GKAP1: variants seen among roughly 807,000 people sequenced by gnomAD.
GKAP1 encodes the protein G kinase anchoring protein 1.
In GKAP1, 31 loss-of-function variants were observed where a neutral mutation model predicts 56.7. The ratio of observed to expected loss-of-function variants is 0.55; its 90% CI spans 0.41 to 0.74. The LOEUF (loss-of-function observed/expected upper bound fraction) is 0.74, where lower values mean the gene tolerates loss of function less well. Ranked by LOEUF, GKAP1 falls within the 30% of genes least tolerant of loss-of-function variation. The pLI is 0.00. For missense variants in GKAP1, 364 were observed against 402.3 expected, an observed-to-expected ratio of 0.90 and a Z score of 0.82; for synonymous variants, 151 against 138.6, an observed-to-expected ratio of 1.09 and a Z score of -0.63.
intron 3 of GKAP1, among the ~76,000 whole-genome samples, chr9:83,806,014 G>T (rs996802866): frequency 4.6e-5 from 7 of 152,156 alleles, no homozygotes; most frequent in African/African-American, 1.7e-4. Context: ...CTACTTGGGA[G>T]GCTAAGGTGT....
intron 7 of GKAP1, among the ~76,000 whole-genome samples, chr9:83,776,835 T>A (rs1299185502): frequency 2.0e-5 from 3 of 152,198 alleles, no homozygotes; most frequent in Non-Finnish European, 4.4e-5. Flanking sequence ...AATCAACAGA[T>A]CCAACATTAC....
rs1204169368 is a variant in GKAP1 at position 83,817,061 on chromosome 9, C to T, written c.-109G>A. On this transcript the variant is annotated 5_prime_UTR_variant, in exon 2 of 13. Coordinates refer to ENST00000376371, the MANE Select transcript of GKAP1 (RefSeq NM_025211.4). ...TAACCGATGCTCCGAAACTTATTCG[C>T]AAAGTACATAGAGAAAGAAATTGCG... 1 of 152,178 alleles carries T rather than the reference C, an allele frequency of 6.6e-6. No homozygotes were observed. Among genetic ancestry groups the T allele is most frequent in the Non-Finnish European group, 1.5e-5 (1 of 68,008 alleles). The allele number at this position is 152,178 out of a possible 1,614,324, so 9.4% of individuals were successfully genotyped here.
chr9:83,742,521 G>T lies in GKAP1; in HGVS notation c.975+9C>A. ...GAAAACCAGTCATGTATGCTCCACA[G>T]TTCCTTACCTGAATAGTGAGCTCAT... is the stretch of plus-strand genomic sequence containing the variant. On this transcript the variant is annotated intron_variant, in intron 11 of 12. Transcript: ENST00000376371. The T allele has an allele frequency of 6.3e-7, 1 of 1,596,430 alleles. No individual in the cohort carries two copies. The highest frequency in any genetic ancestry group is 1.1e-5 in the South Asian group (1 of 90,370).
intron 2 of GKAP1, among the ~76,000 whole-genome samples, chr9:83,814,489 AACTT>A (rs1408839548): frequency 6.6e-5 from 10 of 152,152 alleles, no homozygotes; most frequent in Admixed American, 6.5e-5. Context: ...CCATACTTTA[AACTT>A]ACTATTATTG....
In GKAP1 at chr9:83,780,451, A is replaced by G. The variant is rs753762886; in HGVS notation, c.563-47T>C. ...AGATGAAACTTTATTGAAGGAATTTAACATACAAAAATGTAAAAAAAAAAA... is the reference window on the plus strand; with the variant it reads ...AGATGAAACTTTATTGAAGGAATTTGACATACAAAAATGTAAAAAAAAAAA... On this transcript the variant is annotated intron_variant, in intron 6 of 12. Transcript: ENST00000376371. 1.2e-5 allele frequency: 10 copies of G among 868,526 alleles called. 1 individual carries two copies. Among genetic ancestry groups the G allele is most frequent in the Admixed American group, 2.8e-5 (1 of 36,208 alleles). The allele number at this position is 868,526 out of a possible 1,614,324, so 53.8% of individuals were successfully genotyped here. A position where few individuals can be genotyped will look rare whatever the true frequency, so the allele number is the denominator to read the frequency against.
At position 83,788,601 on chromosome 9, in the gene GKAP1, C is replaced by CT; in HGVS notation, c.437dup (p.Glu147GlyfsTer3). The CT allele has an allele frequency of 6.5e-7, 1 of 1,533,940 alleles. No homozygotes were observed. Reference sequence around the variant, plus strand: ...TCTAAATCAGTAAGTATGTAAATACCTTTTTGTGCTCTTCATATTCTAGTT... The same window carrying CT: ...TCTAAATCAGTAAGTATGTAAATACCTTTTTTGTGCTCTTCATATTCTAGTT... On this transcript the variant is annotated frameshift_variant and splice_region_variant, in exon 5 of 13. Coordinates refer to ENST00000376371, the MANE Select transcript of GKAP1 (RefSeq NM_025211.4). LOFTEE classifies it high-confidence loss of function.
In GKAP1 at chr9:83,779,559, G is replaced by A. The variant is rs952787940; in HGVS notation, c.585+823C>T. On this transcript the variant is annotated intron_variant, in intron 7 of 12. Transcript: ENST00000376371. ...TGTATATATATACACGTGTATATGT[G>A]TATATATATACACACATATATATAC... is the stretch of plus-strand genomic sequence containing the variant. 2.3e-4 allele frequency among the ~76,000 whole-genome samples: 25 copies of A among 108,446 alleles called. No homozygotes were observed. In the East Asian group the frequency reaches 2.7e-3, roughly 12 times the overall value. 71.1% of individuals were successfully genotyped at this position (108,446 alleles called of 152,430 possible).
rs1309152947 is a variant in GKAP1 at position 83,768,922 on chromosome 9, T to C, written c.634A>G (p.Arg212Gly). 6.2e-7 allele frequency: 1 copy of C among 1,610,474 alleles called. No homozygotes were observed. The highest frequency in any genetic ancestry group is 8.5e-7 in the Non-Finnish European group (1 of 1,177,966). The change falls in exon 8 of 13, where the codon AGA (arginine) becomes GGA (glycine). Residue 212 changes from arginine (R) to glycine (G), a missense_variant. By Grantham distance (125) the Arg-to-Gly change is moderately radical. Transcript: ENST00000376371. ...ATTTTATGAACATCATCTTCCAGTC[T>C]ATTGAAGAATCCTCCATCATGTGAT... Reference protein sequence around the residue: ...TLSHDGGFFNRLEDDVHKILI... With the variant: ...TLSHDGGFFNGLEDDVHKILI...
In GKAP1 at chr9:83,739,748, T is replaced by TA. The variant is rs748846032; in HGVS notation, c.1054-5dup. ...TTCTTTTCCCTTTTCTGCCACCCTG[T>TA]AAAAAAAAAAAAAAATAGGGAAAAT... On this transcript the variant is annotated splice_polypyrimidine_tract_variant and splice_region_variant and intron_variant, in intron 12 of 12. Coordinates refer to ENST00000376371, the MANE Select transcript of GKAP1 (RefSeq NM_025211.4). 0.07 allele frequency: 99,604 copies of TA among 1,413,134 alleles called. 26 individuals carry two copies. The highest frequency in any genetic ancestry group is 0.084 in the East Asian group (3,460 of 41,208). The allele number at this position is 1,413,134 out of a possible 1,614,324, so 87.5% of individuals were successfully genotyped here.
intron 7 of GKAP1, among the ~76,000 whole-genome samples, chr9:83,779,299 A>G (rs1943912957): frequency 6.6e-6 from 1 of 151,706 alleles, no homozygotes; most frequent in Non-Finnish European, 1.5e-5. Flanking sequence ...GTTTGCATGC[A>G]TAGTTAGGAA....
intron 7 of GKAP1, among the ~76,000 whole-genome samples, chr9:83,769,708 C>T (rs1354698523): frequency 4.6e-5 from 7 of 152,110 alleles, no homozygotes; most frequent in East Asian, 1.9e-4. Context: ...TTTGTGTGGA[C>T]GTATTTTCAA....
chr9:83,804,150 C>T (rs1318837840), intron 3 of GKAP1, among the ~76,000 whole-genome samples: 4 of 147,890 alleles, frequency 2.7e-5, no homozygotes, highest in South Asian at 2.1e-4. Flanking sequence ...CACGGCCAGC[C>T]GCCCCGTCTG....
chr9:83,755,722 G>A (rs558135450), intron 8 of GKAP1, among the ~76,000 whole-genome samples: 2 of 128,218 alleles, frequency 1.6e-5, no homozygotes, highest in East Asian at 4.6e-4. Context: ...CAACCAATAT[G>A]ACAGACATAT....
Position 83,765,423 on chromosome 9 carries a change from A to C in GKAP1, c.738+3395T>G, listed in dbSNP as rs561056588. Among the ~76,000 whole-genome samples the C allele has an allele frequency of 1.8e-4, 27 of 152,340 alleles. No individual in the cohort carries two copies. In the South Asian group the frequency reaches 4.1e-3, roughly 23 times the overall value. On this transcript the variant is annotated intron_variant, in intron 8 of 12. Transcript: ENST00000376371. ...GGGAAATGTGGGGTCAAGAGCCCCCACACAGAGTCCCTACTGGGGCACTGC... is the reference window on the plus strand; with the variant it reads ...GGGAAATGTGGGGTCAAGAGCCCCCCCACAGAGTCCCTACTGGGGCACTGC...
chr9:83,771,573 A>T (rs1943762068), intron 7 of GKAP1, among the ~76,000 whole-genome samples: 1 of 152,228 alleles, frequency 6.6e-6, no homozygotes, highest in South Asian at 2.1e-4. Flanking sequence ...TATCTTGCAA[A>T]GCACTTAAAC....
intron 7 of GKAP1, 79 bp from the exon 8 acceptor site, chr9:83,769,049 G>T: frequency 9.1e-7 from 1 of 1,101,562 alleles, no homozygotes; most frequent in Non-Finnish European, 1.3e-6. Flanking sequence ...ACCACAAGAA[G>T]GGATATGCAT....
chr9:83,781,090 C>CTA (rs1309617627), intron 6 of GKAP1, among the ~76,000 whole-genome samples: 9 of 152,134 alleles, frequency 5.9e-5, no homozygotes, highest in Non-Finnish European at 1.2e-4. Context: ...AGGCCAGGGG[C>CTA]TATGGCTCAC....
intron 10 of GKAP1, among the ~76,000 whole-genome samples, chr9:83,743,937 C>T (rs1943248209): frequency 6.6e-6 from 1 of 152,142 alleles, no homozygotes; most frequent in African/African-American, 2.4e-5. Flanking sequence ...ACTTTGAAAA[C>T]AAACTAGGAG....
chr9:83,795,105 G>A lies in GKAP1; in HGVS notation c.360+4080C>T, dbSNP rs142634098. On this transcript the variant is annotated intron_variant, in intron 4 of 12. Coordinates refer to ENST00000376371, the MANE Select transcript of GKAP1 (RefSeq NM_025211.4). ...CGGGAGGCGGAGGTCACAGTGAGCC[G>A]AGATTGTGCCACTGCACTCCAGTCT... Among the ~76,000 whole-genome samples, 582 of 144,896 alleles carry A rather than the reference G, an allele frequency of 4.0e-3. 9 individuals are homozygous for A. The highest frequency in any genetic ancestry group is 0.014 in the African/African-American group (546 of 38,914).
Sources: gnomAD v4.1 joint callset for allele counts (sites outside exome capture counted in the v4.1 genomes callset) on GRCh38, gnomAD v4.1.1 for gene constraint, MANE v1.5 for transcripts, NCBI Gene and HGNC (gene_info 2026-07-23, HGNC 2026-07-21) for gene names.